Variants in MACROD2 observed in about 807,000 individuals in gnomAD.
MACROD2 encodes the protein ADP-ribose glycohydrolase MACROD2.
MACROD2 carries 36 observed loss-of-function variants against 70.4 expected under a neutral mutation model. That is an observed-to-expected ratio of 0.51 (90% CI 0.39 to 0.68). The LOEUF is 0.68. Ranked by LOEUF, MACROD2 falls within the 30% of genes least tolerant of loss-of-function variation. The pLI is 0.00. For synonymous variants in MACROD2, 172 were observed against 178.8 expected, an observed-to-expected ratio of 0.96 and a Z score of 0.30; for missense variants, 496 against 538.4, an observed-to-expected ratio of 0.92 and a Z score of 0.78.
At chr20:15,578,757 A>G (rs1392829695) in intron 8 of MACROD2, among the ~76,000 whole-genome samples, 2 of 143,926 alleles carry the variant, frequency 1.4e-5, no homozygotes, top group Non-Finnish European at 3.1e-5. Context: ...AAATCCGTTG[A>G]GCTGTGACTT....
intron 5 of MACROD2, among the ~76,000 whole-genome samples, chr20:14,826,822 T>C (rs77451412): frequency 6.6e-6 from 1 of 152,134 alleles, no homozygotes; most frequent in East Asian, 1.9e-4. Flanking sequence ...ATGATTTTTC[T>C]GGTAGTTTTA....
chr20:14,508,930 C>T (rs2084999018), intron 4 of MACROD2, among the ~76,000 whole-genome samples: 1 of 152,078 alleles, frequency 6.6e-6, no homozygotes. Flanking sequence ...TTTAAGACCA[C>T]ACAATGAAAA....
intron 5 of MACROD2, among the ~76,000 whole-genome samples, chr20:15,161,952 AT>A (rs1311467085): frequency 1.3e-5 from 2 of 152,060 alleles, no homozygotes; most frequent in African/African-American, 4.8e-5. Flanking sequence ...CACTTTTTAG[AT>A]GTTGATAAGA....
intron 4 of MACROD2, among the ~76,000 whole-genome samples, chr20:14,581,307 A>G (rs542374686): frequency 6.6e-6 from 1 of 152,362 alleles, no homozygotes; most frequent in East Asian, 1.9e-4. Flanking sequence ...CACACTCCAG[A>G]CCAATCAAAT....
intron 3 of MACROD2, among the ~76,000 whole-genome samples, chr20:14,263,542 C>T (rs1445182276): frequency 6.6e-6 from 1 of 152,090 alleles, no homozygotes; most frequent in African/African-American, 2.4e-5. Flanking sequence ...CAGCATGAAG[C>T]CTCCAGGGTC....
intron 3 of MACROD2, among the ~76,000 whole-genome samples, chr20:14,442,786 G>T (rs1568613822): frequency 6.6e-6 from 1 of 152,022 alleles, no homozygotes; most frequent in African/African-American, 2.4e-5. Flanking sequence ...TAAGAAATGA[G>T]AACTACAGGG....
At chr20:15,502,205 G>A (rs1221772074) in intron 8 of MACROD2, among the ~76,000 whole-genome samples, 2 of 152,166 alleles carry the variant, frequency 1.3e-5, no homozygotes, top group African/African-American at 2.4e-5. Flanking sequence ...TTAGGTAGAC[G>A]TGCTGAGGAC....
chr20:14,361,832 G>A (rs190489669), intron 3 of MACROD2, among the ~76,000 whole-genome samples: 8 of 152,264 alleles, frequency 5.3e-5, no homozygotes, highest in Non-Finnish European at 1.0e-4. Flanking sequence ...CAGTAGCTAG[G>A]CATTCTTGCT....
intron 5 of MACROD2, among the ~76,000 whole-genome samples, chr20:14,766,962 A>C (rs1017258204): frequency 6.6e-6 from 1 of 152,146 alleles, no homozygotes; most frequent in African/African-American, 2.4e-5. Context: ...TTGGTATAAC[A>C]TCATACCAAT....
At chr20:15,382,780 C>T (rs1430752141) in intron 6 of MACROD2, among the ~76,000 whole-genome samples, 1 of 152,118 alleles carries the variant, frequency 6.6e-6, no homozygotes, top group African/African-American at 2.4e-5. Flanking sequence ...AATTGTTAGA[C>T]ACTTACACAT....
chr20:14,753,473 T>C (rs1159867048), intron 5 of MACROD2, among the ~76,000 whole-genome samples: 1 of 152,138 alleles, frequency 6.6e-6, no homozygotes, highest in South Asian at 2.1e-4. Context: ...AAGGGAAACT[T>C]TGAATTTTTA....
chr20:15,564,685 T>A (rs961601742), intron 8 of MACROD2, among the ~76,000 whole-genome samples: 2 of 152,160 alleles, frequency 1.3e-5, no homozygotes, highest in Non-Finnish European at 2.9e-5. Flanking sequence ...TTTAATATAA[T>A]CACAATCTTA....
intron 17 of MACROD2, among the ~76,000 whole-genome samples, chr20:16,045,628 C>T (rs537555127): frequency 2.1e-4 from 32 of 152,048 alleles, no homozygotes; most frequent in African/African-American, 7.7e-4. Flanking sequence ...GGTCACATTG[C>T]TCCTATAAAT....
chr20:14,868,808 G>A (rs958292069), intron 5 of MACROD2, among the ~76,000 whole-genome samples: 6 of 152,090 alleles, frequency 3.9e-5, no homozygotes, highest in Non-Finnish European at 5.9e-5. Flanking sequence ...TTGGTATGTC[G>A]AAAGTGGGTG....
At chr20:15,704,033 G>A (rs1239675090) in intron 8 of MACROD2, among the ~76,000 whole-genome samples, 1 of 152,096 alleles carries the variant, frequency 6.6e-6, no homozygotes, top group African/African-American at 2.4e-5. Flanking sequence ...TGAATACCAG[G>A]GGGTGAGAAT....
intron 4 of MACROD2, among the ~76,000 whole-genome samples, chr20:14,605,266 G>T (rs1283943824): frequency 6.6e-6 from 1 of 152,142 alleles, no homozygotes; most frequent in Non-Finnish European, 1.5e-5. Context: ...TTCCTTCTGA[G>T]AACTGTGAGG....
chr20:15,905,743 G>C (rs1422247898), intron 10 of MACROD2, among the ~76,000 whole-genome samples: 1 of 152,178 alleles, frequency 6.6e-6, no homozygotes, highest in Non-Finnish European at 1.5e-5. Context: ...ATGTAACAAA[G>C]TTGTGCTTTC....
chr20:14,940,175 A>AAAAAAAAAAAAAG (rs1253812192), intron 5 of MACROD2, among the ~76,000 whole-genome samples: 1 of 149,460 alleles, frequency 6.7e-6, no homozygotes. Flanking sequence ...AAAAAAAAAA[A>AAAAAAAAAAAAAG]ATTAAAAAGT....
intron 6 of MACROD2, among the ~76,000 whole-genome samples, chr20:15,397,903 A>G (rs73269014): frequency 0.011 from 1,620 of 152,288 alleles, 30 homozygotes; most frequent in African/African-American, 0.038. Flanking sequence ...TATATAAACA[A>G]TATGACAAAT....
Sources: allele counts gnomAD v4.1 joint callset (sites outside exome capture counted in the v4.1 genomes callset), GRCh38; gene constraint gnomAD v4.1.1; transcripts MANE v1.5; gene names NCBI Gene and HGNC (gene_info 2026-07-23, HGNC 2026-07-21).